FHIT: variants seen among roughly 807,000 people sequenced by gnomAD.
The protein encoded by FHIT is bis(5'-adenosyl)-triphosphatase.
Under a neutral mutation model 17.9 loss-of-function variants are expected in FHIT, and 19 were observed. That is an observed-to-expected ratio of 1.06 (90% confidence interval 0.74 to 1.56). The LOEUF is 1.56. Among genes scored for constraint, FHIT ranks in the 40% most tolerant of loss-of-function variants. The pLI is 0.00. For synonymous variants in FHIT, 81 were observed against 69.7 expected (o/e 1.16, Z -0.81); for missense variants, 248 against 189.2 (o/e 1.31, Z -1.82).
chr3:60,401,734 A>G (rs1036454485), intron 5 of FHIT, among the ~76,000 whole-genome samples: 7 of 152,210 alleles, frequency 4.6e-5, no homozygotes, highest in Admixed American at 3.3e-4. Context: ...ACCCCTGACT[A>G]TAAGTCAAAT....
In FHIT at chr3:60,462,373, G is replaced by A. The variant is rs142646486; in HGVS notation, c.103+74487C>T. On this transcript the variant is annotated intron_variant, in intron 5 of 9. Coordinates refer to ENST00000492590, the MANE Select transcript of FHIT (RefSeq NM_002012.4). Reference sequence around the variant, plus strand: ...AGTTTGGTTTGAAGCCAACGGTATGGCTTGAGTGCCCATGGCTCAACCACT... The same window carrying A: ...AGTTTGGTTTGAAGCCAACGGTATGACTTGAGTGCCCATGGCTCAACCACT... Among the ~76,000 whole-genome samples, 484 of 152,232 alleles carry A rather than the reference G, an allele frequency of 3.2e-3. 1 individual carries two copies. The highest frequency in any genetic ancestry group is 0.011 in the African/African-American group (462 of 41,542).
intron 5 of FHIT, among the ~76,000 whole-genome samples, chr3:60,113,910 G>A (rs1704800658): frequency 7.0e-6 from 1 of 143,642 alleles, no homozygotes; most frequent in Admixed American, 7.0e-5. Flanking sequence ...GCTGAGGCAG[G>A]AGAATGGCGT....
intron 4 of FHIT, chr3:60,617,265 G>A (rs2038979365): frequency 6.1e-6 from 1 of 164,486 alleles, no homozygotes; most frequent in Non-Finnish European, 1.4e-5. Flanking sequence ...TAAATATTTT[G>A]GGCCATTCTC....
At chr3:61,134,205 T>A (rs1438760278) in intron 2 of FHIT, among the ~76,000 whole-genome samples, 1 of 150,224 alleles carries the variant, frequency 6.7e-6, no homozygotes, top group Non-Finnish European at 1.5e-5. Context: ...GGGTAGGGGG[T>A]TGGCTCATAA....
intron 7 of FHIT, among the ~76,000 whole-genome samples, chr3:60,004,241 TAA>T (rs1699837034): frequency 6.6e-6 from 1 of 152,124 alleles, no homozygotes; most frequent in Non-Finnish European, 1.5e-5. Context: ...GCCTCAGGTG[TAA>T]AAGACAGTTT....
intron 8 of FHIT, among the ~76,000 whole-genome samples, chr3:59,758,272 C>T (rs1184443971): frequency 6.6e-6 from 1 of 152,216 alleles, no homozygotes; most frequent in Non-Finnish European, 1.5e-5. Flanking sequence ...AACTTGTACC[C>T]ATGGTCAGCT....
At chr3:59,837,378 T>G (rs1314692996) in intron 8 of FHIT, among the ~76,000 whole-genome samples, 1 of 152,184 alleles carries the variant, frequency 6.6e-6, no homozygotes, top group Admixed American at 6.5e-5. Flanking sequence ...TAATACCTAA[T>G]ACAATATAAA....
At chr3:60,497,306 T>C (rs1411365664) in intron 5 of FHIT, among the ~76,000 whole-genome samples, 1 of 152,204 alleles carries the variant, frequency 6.6e-6, no homozygotes, top group Non-Finnish European at 1.5e-5. Flanking sequence ...AGTGTATCTA[T>C]AACTTTTCAT....
At chr3:60,990,433 G>C (rs1240757639) in intron 3 of FHIT, among the ~76,000 whole-genome samples, 1 of 152,150 alleles carries the variant, frequency 6.6e-6, no homozygotes, top group Non-Finnish European at 1.5e-5. Context: ...GTTAGAATGG[G>C]GTGGCGATGA....
At chr3:60,123,099 T>C (rs1194475662) in intron 5 of FHIT, among the ~76,000 whole-genome samples, 1 of 152,152 alleles carries the variant, frequency 6.6e-6, no homozygotes, top group African/African-American at 2.4e-5. Flanking sequence ...TTAAAGCCTA[T>C]ATTAAAGTAG....
At chr3:60,029,829 C>T (rs1191086108) in intron 5 of FHIT, among the ~76,000 whole-genome samples, 1 of 150,204 alleles carries the variant, frequency 6.7e-6, no homozygotes, top group Non-Finnish European at 1.5e-5. Flanking sequence ...ATTGTAGCAC[C>T]AGAAAGAGGT....
chr3:59,816,809 A>G (rs914871999), intron 8 of FHIT, among the ~76,000 whole-genome samples: 1 of 152,202 alleles, frequency 6.6e-6, no homozygotes, highest in Non-Finnish European at 1.5e-5. Context: ...CCCCTTCAGG[A>G]TATGGCAAAT....
intron 5 of FHIT, among the ~76,000 whole-genome samples, chr3:60,400,701 T>C (rs1701626430): frequency 6.6e-6 from 1 of 152,028 alleles, no homozygotes; most frequent in Non-Finnish European, 1.5e-5. Context: ...GGTCTCCCCA[T>C]GGTAAGCAGG....
At chr3:60,181,228 C>G (rs1460790404) in intron 5 of FHIT, among the ~76,000 whole-genome samples, 1 of 150,774 alleles carries the variant, frequency 6.6e-6, no homozygotes, top group African/African-American at 2.4e-5. Flanking sequence ...TCACTACAAC[C>G]TCTGCCTCCT....
chr3:59,771,983 T>C (rs1156769320), intron 8 of FHIT, among the ~76,000 whole-genome samples: 1 of 152,136 alleles, frequency 6.6e-6, no homozygotes, highest in Non-Finnish European at 1.5e-5. Flanking sequence ...CCACAAAGGA[T>C]ACATCTGCCT....
intron 4 of FHIT, among the ~76,000 whole-genome samples, chr3:60,652,909 C>CAAACAAAACAAAACAAAACAAAACA: frequency 7.2e-6 from 1 of 139,260 alleles, no homozygotes; most frequent in East Asian, 2.4e-4. Flanking sequence ...AAGTTCATCT[C>CAAACAAAACAAAACAAAACAAAACA]AAACAAAACA....
intron 3 of FHIT, among the ~76,000 whole-genome samples, chr3:60,916,345 CA>C (rs1706999807): frequency 6.6e-6 from 1 of 152,126 alleles, no homozygotes; most frequent in Admixed American, 6.6e-5. Context: ...AATAGCTTTC[CA>C]AAGACAATAT....
chr3:61,216,128 C>A (rs563892294), intron 1 of FHIT, among the ~76,000 whole-genome samples: 23 of 152,152 alleles, frequency 1.5e-4, no homozygotes, highest in South Asian at 4.1e-4. Context: ...GCAACAAAAG[C>A]CAAAATTGAC....
chr3:61,234,765 C>G (rs2040188618), intron 1 of FHIT, among the ~76,000 whole-genome samples: 2 of 152,184 alleles, frequency 1.3e-5, no homozygotes. Flanking sequence ...CCAAGATGTT[C>G]AATTCATCCA....
Sources: gnomAD v4.1 joint callset for allele counts (sites outside exome capture counted in the v4.1 genomes callset) on GRCh38, gnomAD v4.1.1 for gene constraint, MANE v1.5 for transcripts, NCBI Gene and HGNC (gene_info 2026-07-23, HGNC 2026-07-21) for gene names.